SNTB1: variants seen among roughly 807,000 people sequenced by gnomAD.
SNTB1 encodes the protein beta-1-syntrophin.
In SNTB1, 36 loss-of-function variants were observed where a neutral mutation model predicts 48.9. The observed-to-expected ratio is 0.74, with a 90% CI of 0.56 to 0.97. The LOEUF is 0.97. Ranked by LOEUF, SNTB1 falls within the 50% of genes least tolerant of loss-of-function variation. The pLI is 0.00. For missense variants in SNTB1, 786 were observed against 703.4 expected (o/e 1.12, Z -1.33); for synonymous variants, 299 against 294.6 (o/e 1.01, Z -0.15).
chr8:120,579,199 A>C (rs776305018), intron 3 of SNTB1, among the ~76,000 whole-genome samples: 1 of 97,894 alleles, frequency 1.0e-5, no homozygotes, highest in South Asian at 3.7e-4. Context: ...CAAACAAACA[A>C]ACAAACAAAC....
chr8:120,683,397 A>C (rs1817971209), intron 2 of SNTB1, among the ~76,000 whole-genome samples: 1 of 152,146 alleles, frequency 6.6e-6, no homozygotes, highest in Non-Finnish European at 1.5e-5. Flanking sequence ...GATAAAGTAT[A>C]ATAAGAAAAA....
intron 1 of SNTB1, among the ~76,000 whole-genome samples, chr8:120,743,231 G>A (rs1304913292): frequency 6.6e-6 from 1 of 152,200 alleles, no homozygotes. Context: ...TCCTAGTGAA[G>A]TTTAATCTTC....
At chr8:120,685,412 C>G (rs1563851337) in intron 2 of SNTB1, among the ~76,000 whole-genome samples, 1 of 152,186 alleles carries the variant, frequency 6.6e-6, no homozygotes, top group Non-Finnish European at 1.5e-5. Flanking sequence ...TGTAGTGGCA[C>G]CTTGCAGATA....
At chr8:120,584,949 A>G (rs1038063189) in intron 3 of SNTB1, among the ~76,000 whole-genome samples, 14 of 152,122 alleles carry the variant, frequency 9.2e-5, no homozygotes, top group African/African-American at 3.1e-4. Context: ...ACCTGAAACT[A>G]GGAGACAGGC....
intron 1 of SNTB1, among the ~76,000 whole-genome samples, chr8:120,792,410 G>A (rs1003390321): frequency 6.6e-6 from 1 of 151,942 alleles, no homozygotes; most frequent in African/African-American, 2.4e-5. Context: ...TACACTAGTT[G>A]TGTGATGGGT....
intron 1 of SNTB1, among the ~76,000 whole-genome samples, chr8:120,726,209 G>T (rs1037529949): frequency 6.6e-6 from 1 of 152,082 alleles, no homozygotes; most frequent in African/African-American, 2.4e-5. Context: ...ATCTATTTTT[G>T]TACACATACA....
intron 3 of SNTB1, among the ~76,000 whole-genome samples, chr8:120,593,025 A>T (rs1368945226): frequency 6.6e-6 from 1 of 152,178 alleles, no homozygotes; most frequent in Non-Finnish European, 1.5e-5. Flanking sequence ...TGTTAAAAAG[A>T]AAAAGGGAGA....
At chr8:120,780,674 C>G (rs1472543849) in intron 1 of SNTB1, among the ~76,000 whole-genome samples, 1 of 152,180 alleles carries the variant, frequency 6.6e-6, no homozygotes, top group Non-Finnish European at 1.5e-5. Context: ...TAGCAAATTT[C>G]TGGAAGGGGA....
intron 2 of SNTB1, among the ~76,000 whole-genome samples, chr8:120,653,761 C>T (rs1038940653): frequency 7.9e-5 from 12 of 151,918 alleles, no homozygotes; most frequent in African/African-American, 7.3e-5. Context: ...TTCTTAGGGC[C>T]GGGTGCTGTG....
At chr8:120,642,697 G>A (rs569536467) in intron 2 of SNTB1, among the ~76,000 whole-genome samples, 101 of 152,222 alleles carry the variant, frequency 6.6e-4, no homozygotes, top group African/African-American at 1.1e-3. Flanking sequence ...AGGATTACTC[G>A]AGCTCAGGAG....
intron 3 of SNTB1, among the ~76,000 whole-genome samples, chr8:120,607,398 G>C (rs934116136): frequency 6.7e-6 from 1 of 149,228 alleles, no homozygotes; most frequent in Non-Finnish European, 1.5e-5. Flanking sequence ...TTTCTTTTTT[G>C]TGTCTGGCTT....
intron 1 of SNTB1, among the ~76,000 whole-genome samples, chr8:120,748,974 G>A (rs748957861): frequency 5.9e-5 from 9 of 152,228 alleles, no homozygotes; most frequent in Admixed American, 1.3e-4. Context: ...TATTGTTACT[G>A]ATTATACAGG....
At chr8:120,561,341 GA>G (rs1382556427) in intron 4 of SNTB1, among the ~76,000 whole-genome samples, 197 of 67,388 alleles carry the variant, frequency 2.9e-3, no homozygotes, top group African/African-American at 8.0e-3. Flanking sequence ...AAAAAAAAAA[GA>G]AAAAAAGAAA....
At chr8:120,810,674 C>T (rs1784283331) in intron 1 of SNTB1, among the ~76,000 whole-genome samples, 1 of 152,152 alleles carries the variant, frequency 6.6e-6, no homozygotes, top group African/African-American at 2.4e-5. Flanking sequence ...ACTCTCCAGG[C>T]ATAACCCTAG....
intron 3 of SNTB1, among the ~76,000 whole-genome samples, chr8:120,600,834 A>G (rs1176525437): frequency 1.3e-5 from 2 of 151,762 alleles, no homozygotes; most frequent in African/African-American, 2.4e-5. Flanking sequence ...AGGAAGCACA[A>G]GCAAAAGACA....
chr8:120,696,032 G>A (rs373277004), intron 1 of SNTB1, among the ~76,000 whole-genome samples: 11 of 152,054 alleles, frequency 7.2e-5, no homozygotes, highest in South Asian at 2.1e-4. Context: ...GAAGCTGTCC[G>A]AGGCTGGAAT....
Position 120,555,421 on chromosome 8 carries a change from C to T in SNTB1, c.1137-6463G>A, listed in dbSNP as rs1234905934. Among the ~76,000 whole-genome samples, 3 of 152,128 alleles carry T rather than the reference C, an allele frequency of 2.0e-5. No homozygotes were observed. In the East Asian group the frequency reaches 5.8e-4, roughly 29 times the overall value. The stretch of plus-strand genomic sequence containing the variant: ...CATACTGCAGGGAAGGGCTGCTTGC[C>T]CTACCCTAATCTTCTTATGCAAATG... On this transcript the variant is annotated intron_variant, in intron 4 of 6. Transcript: ENST00000517992.
At chr8:120,629,489 C>T (rs150736331) in intron 3 of SNTB1, among the ~76,000 whole-genome samples, 1,966 of 152,278 alleles carry the variant, frequency 0.013, 50 homozygotes, top group African/African-American at 0.044. Context: ...AGATCAATTA[C>T]AGCTAGATAT....
At chr8:120,641,049 T>A (rs904116692) in intron 2 of SNTB1, among the ~76,000 whole-genome samples, 2 of 152,124 alleles carry the variant, frequency 1.3e-5, no homozygotes, top group Non-Finnish European at 2.9e-5. Flanking sequence ...CATTTTTTTT[T>A]CTTCCTCTTT....
Sources: allele counts gnomAD v4.1 joint callset (sites outside exome capture counted in the v4.1 genomes callset), GRCh38; gene constraint gnomAD v4.1.1; transcripts MANE v1.5; gene names NCBI Gene and HGNC (gene_info 2026-07-23, HGNC 2026-07-21).